The following SIRPA variants were observed in gnomAD, a reference collection of about 807,000 sequenced individuals.
SIRPA encodes the protein tyrosine-protein phosphatase non-receptor type substrate 1.
SIRPA carries 9 observed loss-of-function variants against 50.3 expected under a neutral mutation model. The observed-to-expected ratio is 0.18, with a 90% CI of 0.11 to 0.31. SIRPA has a LOEUF of 0.31. SIRPA is among the 10% of genes least tolerant of loss of function. The pLI is 1.00. For synonymous variants in SIRPA, 265 were observed against 284.1 expected (o/e 0.93, Z 0.68); for missense variants, 474 against 661.6 (o/e 0.72, Z 3.11).
chr20:1,894,907 G>C (rs953141285), upstream of SIRPA: 1 of 146,830 alleles, frequency 6.8e-6, no homozygotes, highest in Non-Finnish European at 1.5e-5. The surrounding 1 kb of genome is among the most constrained non-coding windows in gnomAD (Gnocchi z 4.0). Flanking sequence ...GGCAGCGGCC[G>C]GGACTGCGGG....
chr20:1,934,646 T>C lies in SIRPA; in HGVS notation c.1227-69T>C, dbSNP rs1986469524. On this transcript the variant is annotated intron_variant, in intron 6 of 7. Transcript: ENST00000358771. The surrounding 1 kb of genome is among the most constrained non-coding windows in gnomAD (Gnocchi z 4.6). Reference sequence around the variant, plus strand: ...ATAGAAAATGGAGCCTAAATGTTATTCTTATCAGTTTGCATGAGCACTTGA... The same window carrying C: ...ATAGAAAATGGAGCCTAAATGTTATCCTTATCAGTTTGCATGAGCACTTGA... 3 of 1,486,450 alleles carry C rather than the reference T, an allele frequency of 2.0e-6. No individual in the cohort carries two copies. Among genetic ancestry groups the C allele is most frequent in the Non-Finnish European group, 1.9e-6 (2 of 1,064,748 alleles). The allele number at this position is 1,486,450 out of a possible 1,614,324, so 92.1% of individuals were successfully genotyped here.
intron 4 of SIRPA, among the ~76,000 whole-genome samples, chr20:1,922,988 T>A (rs188791160): frequency 7.6e-4 from 116 of 152,164 alleles, no homozygotes; most frequent in African/African-American, 2.7e-3. Flanking sequence ...CCCTCTTCCC[T>A]ACTCTTTCTA....
At chr20:1,910,639 T>C (rs1156962535) in intron 1 of SIRPA, among the ~76,000 whole-genome samples, 1 of 152,188 alleles carries the variant, frequency 6.6e-6, no homozygotes, top group Non-Finnish European at 1.5e-5. Flanking sequence ...AGAGGTTCAT[T>C]TAAACAGTAC....
chr20:1,900,234 G>A (rs1984101574), intron 1 of SIRPA, among the ~76,000 whole-genome samples: 1 of 151,854 alleles, frequency 6.6e-6, no homozygotes, highest in Admixed American at 6.6e-5. Flanking sequence ...CCGAGTAGCT[G>A]GGATTACAGG....
In SIRPA at chr20:1,937,062, G is replaced by C. The variant is rs544570944; in HGVS notation, c.1267-258G>C. 6.6e-6 allele frequency among the ~76,000 whole-genome samples: 1 copy of C among 152,312 alleles called. No individual in the cohort carries two copies. Among genetic ancestry groups the C allele is most frequent in the South Asian group, 2.1e-4 (1 of 4,824 alleles). ...GGCAGGAACGGGAGGAGGTGACACT[G>C]AGGCGGGGCTGTGAGGAGACTGCAC... is the stretch of plus-strand genomic sequence containing the variant. On this transcript the variant is annotated intron_variant, in intron 7 of 7. Transcript: ENST00000358771. This position sits in a 1 kb window ranked among gnomAD's most constrained non-coding sequence, Gnocchi z 8.3.
Position 1,898,407 on chromosome 20 carries a change from C to G in SIRPA, c.79+2881C>G, listed in dbSNP as rs764378334. 1.3e-5 allele frequency among the ~76,000 whole-genome samples: 2 copies of G among 152,130 alleles called. No homozygotes were observed. Among genetic ancestry groups the G allele is most frequent in the East Asian group, 3.9e-4 (2 of 5,156 alleles). ...CGTCTGTACTTGCAGTCATGCAGCA[C>G]CTATGCAGTGCTGGTGTGAACCATG... On this transcript the variant is annotated intron_variant, in intron 1 of 7. Transcript: ENST00000358771. The surrounding 1 kb of genome is among the most constrained non-coding windows in gnomAD (Gnocchi z 4.3).
At chr20:1,907,666 G>A (rs913612414) in intron 1 of SIRPA, among the ~76,000 whole-genome samples, 4 of 152,336 alleles carry the variant, frequency 2.6e-5, no homozygotes, top group South Asian at 4.1e-4. Context: ...CGCCATGTGC[G>A]TGGTCATTGC....
rs1985639089 is a variant in SIRPA at position 1,921,386 on chromosome 20, C to T, written c.437-9C>T. 1.2e-6 allele frequency: 2 copies of T among 1,612,352 alleles called. No individual in the cohort carries two copies. Among genetic ancestry groups the T allele is most frequent in the Non-Finnish European group, 1.7e-6 (2 of 1,178,498 alleles). On this transcript the variant is annotated splice_polypyrimidine_tract_variant and intron_variant, in intron 2 of 7. Coordinates refer to ENST00000358771, the MANE Select transcript of SIRPA (RefSeq NM_001040023.2). The stretch of plus-strand genomic sequence containing the variant: ...TCATGTCTCCTGATTATCGATGGTC[C>T]TTTTGTAGCCAAACCCTCTGCCCCC...
intron 1 of SIRPA, among the ~76,000 whole-genome samples, chr20:1,904,475 A>C (rs1041419279): frequency 6.6e-5 from 10 of 152,038 alleles, no homozygotes; most frequent in Non-Finnish European, 1.2e-4. Flanking sequence ...GTGGAATCAG[A>C]CCACTCGGCA....
intron 6 of SIRPA, among the ~76,000 whole-genome samples, chr20:1,930,389 C>T (rs1339712518): frequency 6.6e-6 from 1 of 152,202 alleles, no homozygotes; most frequent in Non-Finnish European, 1.5e-5. Flanking sequence ...GGCACCATGC[C>T]TGGAATGGGA....
At position 1,938,385 on chromosome 20, in the gene SIRPA, A is replaced by G. The variant is rs1046462843; in HGVS notation, c.*817A>G. Reference sequence around the variant, plus strand: ...ATTACTGAGAAATGTGAAACGTGCAATCTTGAAACTGAGGTGTTAGAAAAC... The same window carrying G: ...ATTACTGAGAAATGTGAAACGTGCAGTCTTGAAACTGAGGTGTTAGAAAAC... On this transcript the variant is annotated 3_prime_UTR_variant, in exon 8 of 8. Coordinates refer to ENST00000358771, the MANE Select transcript of SIRPA (RefSeq NM_001040023.2). 2.6e-5 allele frequency: 4 copies of G among 152,644 alleles called. No homozygotes were observed. The highest frequency in any genetic ancestry group is 4.8e-5 in the African/African-American group (2 of 41,446). The allele number at this position is 152,644 out of a possible 1,614,324, so 9.5% of individuals were successfully genotyped here. A position where few individuals can be genotyped will look rare whatever the true frequency, so the allele number is the denominator to read the frequency against.
intron 1 of SIRPA, among the ~76,000 whole-genome samples, chr20:1,896,410 T>C (rs916004755): frequency 1.7e-5 from 2 of 119,144 alleles, no homozygotes; most frequent in Admixed American, 2.2e-4. Flanking sequence ...GCTTCTTAAA[T>C]GGGTTTTGCA....
chr20:1,899,708 C>G (rs965714453), intron 1 of SIRPA, among the ~76,000 whole-genome samples: 2 of 152,164 alleles, frequency 1.3e-5, no homozygotes, highest in African/African-American at 4.8e-5. Context: ...CAGACACACA[C>G]CCTGGCCTAG....
Position 1,940,476 on chromosome 20 carries a change from C to G in SIRPA, c.*2908C>G, listed in dbSNP as rs1477746124. 6.6e-6 allele frequency: 1 copy of G among 152,190 alleles called. No homozygotes were observed. Among genetic ancestry groups the G allele is most frequent in the African/African-American group, 2.4e-5 (1 of 41,444 alleles). 9.4% of individuals were successfully genotyped at this position (152,190 alleles called of 1,614,324 possible). On this transcript the variant is annotated 3_prime_UTR_variant, in exon 8 of 8. Transcript: ENST00000358771. ...AATATCCTTGCCAGATGACTGATGTCAAGTGCTGGTTTATAGTGGGTGCTC... is the reference window on the plus strand; with the variant it reads ...AATATCCTTGCCAGATGACTGATGTGAAGTGCTGGTTTATAGTGGGTGCTC...
Position 1,898,885 on chromosome 20 carries a change from C to T in SIRPA, c.79+3359C>T, listed in dbSNP as rs1421188900. On this transcript the variant is annotated intron_variant, in intron 1 of 7. Coordinates refer to ENST00000358771, the MANE Select transcript of SIRPA (RefSeq NM_001040023.2). The surrounding 1 kb of genome is among the most constrained non-coding windows in gnomAD (Gnocchi z 4.3). ...GTGATGTGGCTCCTGTGAGAGCCCC[C>T]CATCTGGGCTGCTGAGCTCTGGAGC... Among the ~76,000 whole-genome samples, 1 of 152,052 alleles carries T rather than the reference C, an allele frequency of 6.6e-6. No homozygotes were observed. Among genetic ancestry groups the T allele is most frequent in the Non-Finnish European group, 1.5e-5 (1 of 68,006 alleles).
intron 1 of SIRPA, among the ~76,000 whole-genome samples, chr20:1,912,814 C>T (rs936590701): frequency 2.0e-5 from 3 of 152,246 alleles, no homozygotes; most frequent in Non-Finnish European, 4.4e-5. Flanking sequence ...GCCCTAGCAA[C>T]TGTGCTTCCC....
rs1292720029 is a variant in SIRPA, at chr20:1,915,080, G to C, written c.80-19G>C. ...ATCACGTAAGGATGAAAAAATGACT[G>C]CTTTGTGCTCCTTTCCAGGAGTGGC... On this transcript the variant is annotated intron_variant, in intron 1 of 7. Transcript: ENST00000358771. 1.9e-6 allele frequency: 3 copies of C among 1,595,528 alleles called. No homozygotes were observed. Among genetic ancestry groups the C allele is most frequent in the Non-Finnish European group, 1.7e-6 (2 of 1,166,476 alleles).
intron 1 of SIRPA, among the ~76,000 whole-genome samples, chr20:1,897,935 G>C (rs1983925454): frequency 6.6e-6 from 1 of 152,220 alleles, no homozygotes. Flanking sequence ...TCTGAGGCTG[G>C]GAGAAGGGCA....
chr20:1,899,015 C>T (rs776709892), intron 1 of SIRPA, among the ~76,000 whole-genome samples: 10 of 151,946 alleles, frequency 6.6e-5, no homozygotes, highest in Non-Finnish European at 1.3e-4. Context: ...GTACGGATCC[C>T]ACACGCGCTC....
Sources: allele counts gnomAD v4.1 joint callset (sites outside exome capture counted in the v4.1 genomes callset), GRCh38; gene constraint gnomAD v4.1.1; non-coding constraint Gnocchi (gnomAD v3.1); transcripts MANE v1.5; gene names NCBI Gene and HGNC (gene_info 2026-07-23, HGNC 2026-07-21).